Variants in CAMK4 observed in about 807,000 individuals in gnomAD.
The protein encoded by CAMK4 is calcium/calmodulin-dependent protein kinase type IV.
Under a neutral mutation model 44.9 loss-of-function variants are expected in CAMK4, and 22 were observed. The ratio of observed to expected loss-of-function variants is 0.49; its 90% confidence interval spans 0.35 to 0.70. CAMK4 has a LOEUF of 0.70. Ranked by LOEUF, CAMK4 falls within the 30% of genes least tolerant of loss-of-function variation. The pLI is 0.01. For synonymous variants in CAMK4, 218 were observed against 215.4 expected (o/e 1.01, Z -0.11); for missense variants, 498 against 586.8 (o/e 0.85, Z 1.56).
intron 1 of CAMK4, among the ~76,000 whole-genome samples, chr5:111,324,546 G>A (rs544274444): frequency 7.5e-4 from 114 of 152,044 alleles, no homozygotes; most frequent in Non-Finnish European, 1.3e-3. Flanking sequence ...TGTATATGCA[G>A]CTACTAACAG....
Position 111,490,989 on chromosome 5 carries a change from A to AG in CAMK4, c.*6524dup, listed in dbSNP as rs1290539894. 1 of 152,230 alleles carries AG rather than the reference A, an allele frequency of 6.6e-6. No individual in the cohort carries two copies. The highest frequency in any genetic ancestry group is 1.5e-5 in the Non-Finnish European group (1 of 68,044). 9.4% of individuals were successfully genotyped at this position (152,230 alleles called of 1,614,324 possible). A position where few individuals can be genotyped will look rare whatever the true frequency, so the allele number is the denominator to read the frequency against. On this transcript the variant is annotated 3_prime_UTR_variant, in exon 11 of 11. Transcript: ENST00000282356. ...TTATGCCCAATGAACTAAAGGTATC[A>AG]GTAAAAGATTATTAGTAAACAAATT...
chr5:111,430,991 G>A (rs1300625686), intron 5 of CAMK4, among the ~76,000 whole-genome samples: 1 of 151,822 alleles, frequency 6.6e-6, no homozygotes, highest in African/African-American at 2.4e-5. Context: ...ACCTAGAATG[G>A]CCAAAGCACT....
intron 5 of CAMK4, among the ~76,000 whole-genome samples, chr5:111,404,945 T>C (rs1168975210): frequency 3.3e-5 from 5 of 151,932 alleles, no homozygotes; most frequent in Admixed American, 6.6e-5. Context: ...AATTCAACAA[T>C]TACTGATTCC....
intron 1 of CAMK4, among the ~76,000 whole-genome samples, chr5:111,239,113 T>C (rs1473402639): frequency 1.3e-5 from 2 of 152,120 alleles, no homozygotes; most frequent in African/African-American, 4.8e-5. Flanking sequence ...TATGTTTTCA[T>C]CAGGACTTGG....
chr5:111,386,529 G>A (rs531977700), intron 4 of CAMK4, among the ~76,000 whole-genome samples: 18 of 152,322 alleles, frequency 1.2e-4, no homozygotes, highest in East Asian at 3.9e-4. Flanking sequence ...GCTGCTGTGC[G>A]CGTGTTAACT....
intron 2 of CAMK4, among the ~76,000 whole-genome samples, chr5:111,367,272 C>T (rs778175794): frequency 8.6e-5 from 13 of 151,512 alleles, no homozygotes; most frequent in Admixed American, 5.3e-4. Flanking sequence ...CAGAACTGAA[C>T]GTATCCTTTC....
chr5:111,464,639 G>A (rs1004710927), intron 7 of CAMK4, among the ~76,000 whole-genome samples: 3 of 152,054 alleles, frequency 2.0e-5, no homozygotes, highest in African/African-American at 7.2e-5. Flanking sequence ...AGAAGTTAAG[G>A]ATTACCGTTA....
intron 4 of CAMK4, among the ~76,000 whole-genome samples, chr5:111,393,938 C>A (rs1352760099): frequency 6.8e-6 from 1 of 148,082 alleles, no homozygotes; most frequent in Admixed American, 6.8e-5. Flanking sequence ...AAGTGACCAG[C>A]TTTCCAAAAA....
At chr5:111,428,120 G>A (rs893845705) in intron 5 of CAMK4, among the ~76,000 whole-genome samples, 1 of 152,242 alleles carries the variant, frequency 6.6e-6, no homozygotes, top group Non-Finnish European at 1.5e-5. Context: ...CCCGTATTTT[G>A]TCCAAGACCA....
chr5:111,243,463 G>A (rs994926195), intron 1 of CAMK4, among the ~76,000 whole-genome samples: 3 of 152,316 alleles, frequency 2.0e-5, no homozygotes, highest in African/African-American at 4.8e-5. Flanking sequence ...ACAGATGGGC[G>A]TAGCAGAAGG....
chr5:111,297,022 C>T (rs962557972), intron 1 of CAMK4, among the ~76,000 whole-genome samples: 1 of 152,166 alleles, frequency 6.6e-6, no homozygotes, highest in African/African-American at 2.4e-5. Flanking sequence ...TTAGAATTGG[C>T]CCCAAATCCT....
chr5:111,483,976 T>G, intron 10 of CAMK4, 50 bp from the exon 11 acceptor site: 1 of 1,375,680 alleles, frequency 7.3e-7, no homozygotes, highest in South Asian at 1.5e-5. Flanking sequence ...AGCTCTGATG[T>G]GGGGTGTTAA....
chr5:111,443,249 T>C (rs1291783393), intron 5 of CAMK4, among the ~76,000 whole-genome samples: 5 of 50,106 alleles, frequency 1.0e-4, no homozygotes, highest in African/African-American at 3.8e-4. Context: ...CTACCATATA[T>C]ATATATATAT....
chr5:111,320,046 G>A (rs1748594277), intron 1 of CAMK4, among the ~76,000 whole-genome samples: 1 of 152,168 alleles, frequency 6.6e-6, no homozygotes, highest in Non-Finnish European at 1.5e-5. Context: ...TGTGCCATAC[G>A]AGACGGTGGT....
At chr5:111,389,238 A>G (rs934342604) in intron 4 of CAMK4, among the ~76,000 whole-genome samples, 1 of 152,136 alleles carries the variant, frequency 6.6e-6, no homozygotes, top group Admixed American at 6.5e-5. Context: ...TAAAGGCATG[A>G]ATCCCATTCA....
At chr5:111,434,314 C>T (rs532957193) in intron 5 of CAMK4, among the ~76,000 whole-genome samples, 3 of 149,056 alleles carry the variant, frequency 2.0e-5, no homozygotes, top group Non-Finnish European at 4.5e-5. Flanking sequence ...AAAAATAGAG[C>T]CACTAGAGAA....
chr5:111,484,327 C>T lies in CAMK4; in HGVS notation c.1283C>T (p.Ala428Val), dbSNP rs528974906. 6.2e-7 allele frequency: 1 copy of T among 1,613,782 alleles called. No individual in the cohort carries two copies. Among genetic ancestry groups the T allele is most frequent in the South Asian group, 1.1e-5 (1 of 91,024 alleles). Residue 428 changes from alanine (A) to valine (V), a missense_variant, in exon 11 of 11, where the codon GCT (alanine) becomes GTT (valine). Ala to Val is a moderately conservative substitution (Grantham distance 64, BLOSUM62 0). Around this residue, in one of 3 missense-constraint regions of CAMK4, gnomAD observed 143 missense variants for 144.9 expected, o/e 0.99. Transcript: ENST00000282356. The surrounding 1 kb of genome is among the most constrained non-coding windows in gnomAD (Gnocchi z 5.3). The stretch of plus-strand genomic sequence containing the variant: ...GCAGTGGAGGATGGGATAAAGGTGG[C>T]TGACCTGGAACTAGAGGAGGGCCTA... ...PKAVEDGIKV[A>V]DLELEEGLAE...
At chr5:111,259,257 G>T (rs552537779) in intron 1 of CAMK4, among the ~76,000 whole-genome samples, 1 of 152,242 alleles carries the variant, frequency 6.6e-6, no homozygotes, top group Non-Finnish European at 1.5e-5. Flanking sequence ...TTTTGCCATA[G>T]AATTTAATAT....
At chr5:111,262,511 T>A (rs763089914) in intron 1 of CAMK4, among the ~76,000 whole-genome samples, 4 of 152,328 alleles carry the variant, frequency 2.6e-5, no homozygotes, top group Admixed American at 6.5e-5. Flanking sequence ...ATGGAAAGTT[T>A]TCTAAAGGAA....
Sources: allele counts gnomAD v4.1 joint callset (sites outside exome capture counted in the v4.1 genomes callset), GRCh38; gene constraint gnomAD v4.1.1; regional missense constraint gnomAD v4.1.1; non-coding constraint Gnocchi (gnomAD v3.1); transcripts MANE v1.5; gene names NCBI Gene and HGNC (gene_info 2026-07-23, HGNC 2026-07-21).